LDLRAP1: variants seen among roughly 807,000 people sequenced by gnomAD.
LDLRAP1 encodes the protein low density lipoprotein receptor adapter protein 1.
LDLRAP1 carries 30 observed loss-of-function variants against 37.8 expected under a neutral mutation model. The observed-to-expected ratio is 0.79, with a 90% CI of 0.59 to 1.08. The LOEUF (loss-of-function observed/expected upper bound fraction) is 1.08. LDLRAP1 is among the 50% of genes least tolerant of loss of function. The pLI is 0.00. For synonymous variants in LDLRAP1, 156 were observed against 169.8 expected (o/e 0.92, Z 0.63); for missense variants, 375 against 401.6 (o/e 0.93, Z 0.57).
At chr1:25,557,715 G>A (rs551983181) in intron 4 of LDLRAP1, among the ~76,000 whole-genome samples, 2 of 152,014 alleles carry the variant, frequency 1.3e-5, no homozygotes, top group East Asian at 3.9e-4. Flanking sequence ...GGCAATGGCT[G>A]TTTCTTGGTG....
In LDLRAP1 at chr1:25,563,691, A is replaced by G; in HGVS notation, c.647A>G (p.Glu216Gly). 1.2e-6 allele frequency: 2 copies of G among 1,613,930 alleles called. No homozygotes were observed. The highest frequency in any genetic ancestry group is 1.7e-6 in the Non-Finnish European group (2 of 1,180,016). Reference protein sequence around the residue: ...LVATGNLLDLEETAKAPLSTV... With the variant: ...LVATGNLLDLGETAKAPLSTV... Reference sequence around the variant, plus strand: ...GCCACTGGGAACCTGCTGGACTTAGAGGAGACAGCTAAGGCCCCGCTGTCC... The same window carrying G: ...GCCACTGGGAACCTGCTGGACTTAGGGGAGACAGCTAAGGCCCCGCTGTCC... The change falls in exon 7 of 9, where the codon GAG becomes GGG. Residue 216 changes from glutamate (E) to glycine (G), a missense_variant. Physicochemically the swap from Glu to Gly is moderately conservative, Grantham distance 98 (BLOSUM62 -2). Transcript: ENST00000374338.
chr1:25,557,075 G>A, intron 3 of LDLRAP1, 78 bp from the exon 4 acceptor site: 1 of 1,038,948 alleles, frequency 9.6e-7, no homozygotes, highest in Non-Finnish European at 1.5e-6. Context: ...GCAACTCAGG[G>A]GAGCTGCCCT....
intron 7 of LDLRAP1, 128 bp downstream of exon 7, chr1:25,563,919 G>A (rs2044412712): frequency 1.4e-5 from 17 of 1,221,038 alleles, no homozygotes; most frequent in Admixed American, 7.3e-5. Context: ...GACCCAGCCC[G>A]GTAGTGCCCA....
rs182475565 is a variant in LDLRAP1, at chr1:25,568,864, A to G, written c.*1872A>G. Reference sequence around the variant, plus strand: ...TTTAATGAGGAAAAAACAAATAATAAATGTTCTCGTTTTGAAACTCAAGCA... The same window carrying G: ...TTTAATGAGGAAAAAACAAATAATAGATGTTCTCGTTTTGAAACTCAAGCA... On this transcript the variant is annotated 3_prime_UTR_variant, in exon 9 of 9. Coordinates refer to ENST00000374338, the MANE Select transcript of LDLRAP1 (RefSeq NM_015627.3). The G allele has an allele frequency of 6.6e-6, 1 of 152,366 alleles. No individual in the cohort carries two copies. Among genetic ancestry groups the G allele is most frequent in the African/African-American group, 2.4e-5 (1 of 41,586 alleles). 9.4% of individuals were successfully genotyped at this position (152,366 alleles called of 1,614,324 possible).
chr1:25,545,424 G>A (rs1347402804), intron 1 of LDLRAP1, among the ~76,000 whole-genome samples: 1 of 152,192 alleles, frequency 6.6e-6, no homozygotes, highest in Non-Finnish European at 1.5e-5. Flanking sequence ...TTCCTCATCT[G>A]CAACATGGGG....
At chr1:25,552,119 C>A (rs576378117) in intron 1 of LDLRAP1, among the ~76,000 whole-genome samples, 1 of 152,016 alleles carries the variant, frequency 6.6e-6, no homozygotes, top group East Asian at 1.9e-4. Flanking sequence ...GACCAGAGCC[C>A]CTGGAGGCCC....
At chr1:25,587,983 C>A in the LDLRAP1 span, among the ~76,000 whole-genome samples, 7,451 of 152,164 alleles carry the variant, frequency 0.049, 626 homozygotes, top group African/African-American at 0.17. Flanking sequence ...AACCCTACCC[C>A]CAACCCTGTG....
In LDLRAP1 at chr1:25,543,680, G is replaced by T. The variant is rs1307932813; in HGVS notation, c.-19G>T. On this transcript the variant is annotated 5_prime_UTR_variant, in exon 1 of 9. Transcript: ENST00000374338. Reference sequence around the variant, plus strand: ...CGGAGTTTTGGCTGCGGCAGCGGCGGCGGCGGCCGGAGCGGGCCATGGACG... The same window carrying T: ...CGGAGTTTTGGCTGCGGCAGCGGCGTCGGCGGCCGGAGCGGGCCATGGACG... 8.2e-7 allele frequency: 1 copy of T among 1,212,740 alleles called. No homozygotes were observed. The highest frequency in any genetic ancestry group is 1.0e-6 in the Non-Finnish European group (1 of 975,668). 75.1% of individuals were successfully genotyped at this position (1,212,740 alleles called of 1,614,324 possible).
Position 25,545,030 on chromosome 1 carries a change from G to A in LDLRAP1, c.88+1244G>A, listed in dbSNP as rs77496320. 9.8e-3 allele frequency among the ~76,000 whole-genome samples: 1,497 copies of A among 152,364 alleles called. 24 individuals carry two copies. Among genetic ancestry groups the A allele is most frequent in the African/African-American group, 0.031 (1,298 of 41,588 alleles). On this transcript the variant is annotated intron_variant, in intron 1 of 8. Transcript: ENST00000374338. Reference sequence around the variant, plus strand: ...GACTGGCATTGGCATTGGGAATGTGGGGTGGTGCCTGCTGGTGGGGGGTGG... The same window carrying A: ...GACTGGCATTGGCATTGGGAATGTGAGGTGGTGCCTGCTGGTGGGGGGTGG...
chr1:25,567,053 G>T lies in LDLRAP1; in HGVS notation c.*61G>T. 6.2e-7 allele frequency: 1 copy of T among 1,607,214 alleles called. No homozygotes were observed. Among genetic ancestry groups the T allele is most frequent in the South Asian group, 1.1e-5 (1 of 90,570 alleles). On this transcript the variant is annotated 3_prime_UTR_variant, in exon 9 of 9. Transcript: ENST00000374338. ...ACGTGATGGACCAAAGCCACCTGCTGCGGGGGAGCCAGTTCTGGGGCCCGC... is the reference window on the plus strand; with the variant it reads ...ACGTGATGGACCAAAGCCACCTGCTTCGGGGGAGCCAGTTCTGGGGCCCGC...
At chr1:25,584,757 A>T in the LDLRAP1 span, among the ~76,000 whole-genome samples, 10 of 152,154 alleles carry the variant, frequency 6.6e-5, no homozygotes, top group Non-Finnish European at 1.5e-4. Flanking sequence ...CAAGCCCTAG[A>T]GGGAGCATCT....
Position 25,557,003 on chromosome 1 carries a change from C to T in LDLRAP1, c.345-150C>T, listed in dbSNP as rs1257042617. ...CTGCACAGATGGCCTAGGTACCCAG[C>T]CTGGAGGCCAAGGCTGGATTCCCAG... On this transcript the variant is annotated intron_variant, in intron 3 of 8. Transcript: ENST00000374338. 5 of 716,770 alleles carry T rather than the reference C, an allele frequency of 7.0e-6. No individual in the cohort carries two copies. The East Asian group carries it at 1.1e-4, about 16-fold the overall frequency. The allele number at this position is 716,770 out of a possible 1,614,324, so 44.4% of individuals were successfully genotyped here. A position where few individuals can be genotyped will look rare whatever the true frequency, so the allele number is the denominator to read the frequency against.
intron 1 of LDLRAP1, among the ~76,000 whole-genome samples, chr1:25,545,102 G>A (rs968587934): frequency 6.6e-6 from 1 of 152,226 alleles, no homozygotes; most frequent in African/African-American, 2.4e-5. Context: ...GGGATGTACC[G>A]TTTATCACAC....
At chr1:25,571,324 A>G (rs2124710466), downstream of LDLRAP1, among the ~76,000 whole-genome samples, 1 of 152,332 alleles carries the variant, frequency 6.6e-6, no homozygotes, top group Admixed American at 6.5e-5. Flanking sequence ...AGAACTCCAC[A>G]GGGGTATGTC....
Position 25,555,484 on chromosome 1 carries a change from T to A in LDLRAP1, c.344+512T>A, listed in dbSNP as rs1040667399. ...CCCACCTCTCTCGGCTGGTCAGTTGTAGTTTTTCAGAACTGGAAGGGACAG... is the reference window on the plus strand; with the variant it reads ...CCCACCTCTCTCGGCTGGTCAGTTGAAGTTTTTCAGAACTGGAAGGGACAG... On this transcript the variant is annotated intron_variant, in intron 3 of 8. Coordinates refer to ENST00000374338, the MANE Select transcript of LDLRAP1 (RefSeq NM_015627.3). The surrounding 1 kb of genome is among the most constrained non-coding windows in gnomAD (Gnocchi z 4.7). 6.6e-6 allele frequency among the ~76,000 whole-genome samples: 1 copy of A among 152,168 alleles called. No individual in the cohort carries two copies. Among genetic ancestry groups the A allele is most frequent in the African/African-American group, 2.4e-5 (1 of 41,430 alleles).
chr1:25,573,172 G>A (rs2044628643), downstream of LDLRAP1, among the ~76,000 whole-genome samples: 1 of 152,302 alleles, frequency 6.6e-6, no homozygotes, highest in Admixed American at 6.5e-5. Flanking sequence ...CCAAGGTGGG[G>A]AGGAGACAAG....
chr1:25,589,846 T>C, the LDLRAP1 span, among the ~76,000 whole-genome samples: 1 of 152,226 alleles, frequency 6.6e-6, no homozygotes, highest in Non-Finnish European at 1.5e-5. Context: ...CTCATGCCTG[T>C]AATCCCGGCA....
the LDLRAP1 span, among the ~76,000 whole-genome samples, chr1:25,575,863 A>G: frequency 1.1e-4 from 16 of 152,194 alleles, no homozygotes; most frequent in Non-Finnish European, 2.4e-4. Context: ...GAGAGATGGC[A>G]TGACTTGCCC....
chr1:25,560,097 C>T (rs1307218571), intron 4 of LDLRAP1, among the ~76,000 whole-genome samples: 1 of 152,058 alleles, frequency 6.6e-6, no homozygotes, highest in Non-Finnish European at 1.5e-5. Context: ...GGGGAGTGCA[C>T]ACCAGCATGG....
Sources: allele counts gnomAD v4.1 joint callset (sites outside exome capture counted in the v4.1 genomes callset), GRCh38; gene constraint gnomAD v4.1.1; non-coding constraint Gnocchi (gnomAD v3.1); transcripts MANE v1.5; gene names NCBI Gene and HGNC (gene_info 2026-07-23, HGNC 2026-07-21).